Variants in SRD5A2 observed in about 807,000 individuals in gnomAD.
SRD5A2 encodes 3-oxo-5-alpha-steroid 4-dehydrogenase 2.
A neutral mutation model predicts 27.4 loss-of-function variants in SRD5A2; 30 were observed. The observed-to-expected ratio is 1.10, with a 90% CI of 0.82 to 1.49. The LOEUF (loss-of-function observed/expected upper bound fraction) is 1.49, where lower values mean the gene tolerates loss of function less well. Among genes scored for constraint, SRD5A2 ranks in the 40% most tolerant of loss-of-function variants. The pLI is 0.00. For missense variants in SRD5A2, 348 were observed against 323.4 expected, an observed-to-expected ratio of 1.08 and a Z score of -0.58; for synonymous variants, 141 against 133.6, an observed-to-expected ratio of 1.06 and a Z score of -0.38.
At chr2:31,560,580 C>T (rs1666601775) in intron 1 of SRD5A2, among the ~76,000 whole-genome samples, 1 of 152,214 alleles carries the variant, frequency 6.6e-6, no homozygotes, top group Admixed American at 6.5e-5. Flanking sequence ...GAAAAACCTG[C>T]ATCAGCACTC....
chr2:31,592,406 G>T, the SRD5A2 span, among the ~76,000 whole-genome samples: 1 of 152,106 alleles, frequency 6.6e-6, no homozygotes, highest in African/African-American at 2.4e-5. Context: ...GAAAACGAGT[G>T]CACTAAACAA....
the SRD5A2 span, among the ~76,000 whole-genome samples, chr2:31,597,079 C>T: frequency 1.3e-5 from 2 of 152,068 alleles, no homozygotes; most frequent in Non-Finnish European, 2.9e-5. Flanking sequence ...CATCACATTA[C>T]ACAACTTCAA....
chr2:31,586,483 GT>G, the SRD5A2 span, among the ~76,000 whole-genome samples: 678 of 152,342 alleles, frequency 4.5e-3, 3 homozygotes, highest in African/African-American at 0.015. Context: ...GCTGAGCACA[GT>G]CATAGTGGTG....
chr2:31,529,285 C>A, intron 4 of SRD5A2, 22 bp downstream of exon 4: 1 of 1,613,430 alleles, frequency 6.2e-7, no homozygotes, highest in Non-Finnish European at 8.5e-7. Context: ...GTGAATGCTG[C>A]CGCTTTTATT....
At chr2:31,556,355 A>G (rs1666494884) in intron 1 of SRD5A2, among the ~76,000 whole-genome samples, 1 of 152,184 alleles carries the variant, frequency 6.6e-6, no homozygotes, top group Non-Finnish European at 1.5e-5. Flanking sequence ...GTAGACCCCA[A>G]AAAGATATCT....
In SRD5A2 at chr2:31,524,157, G is replaced by A; in HGVS notation, c.*2039C>T. The A allele has an allele frequency of 4.5e-6, 1 of 224,040 alleles. No individual in the cohort carries two copies. The allele number at this position is 224,040 out of a possible 1,614,324, so 13.9% of individuals were successfully genotyped here. On this transcript the variant is annotated 3_prime_UTR_variant, in exon 5 of 5. Transcript: ENST00000622030. ...TTTATTTCATCTCAAGGACCGGCCT[G>A]GATGTTTTACATGGTAGTAAAATAA...
chr2:31,626,804 G>A, the SRD5A2 span, among the ~76,000 whole-genome samples: 1 of 151,938 alleles, frequency 6.6e-6, no homozygotes, highest in Non-Finnish European at 1.5e-5. Flanking sequence ...CAGGGATATT[G>A]GTCTAAAATT....
chr2:31,562,217 CT>C (rs1022838908), intron 1 of SRD5A2, among the ~76,000 whole-genome samples: 4 of 151,548 alleles, frequency 2.6e-5, no homozygotes, highest in Non-Finnish European at 5.9e-5. Context: ...GTTTACAGGT[CT>C]TTTTTTTCCT....
At chr2:31,634,628 G>T in the SRD5A2 span, among the ~76,000 whole-genome samples, 5 of 151,762 alleles carry the variant, frequency 3.3e-5, no homozygotes, top group Non-Finnish European at 7.4e-5. Flanking sequence ...ATTTCTACGG[G>T]TACAGTTTAG....
intron 1 of SRD5A2, among the ~76,000 whole-genome samples, chr2:31,574,870 T>C (rs1379161665): frequency 6.6e-6 from 1 of 152,234 alleles, no homozygotes; most frequent in African/African-American, 2.4e-5. Context: ...CTGCTTGTTT[T>C]TGTAAATAAA....
At chr2:31,610,617 G>C in the SRD5A2 span, among the ~76,000 whole-genome samples, 1 of 151,978 alleles carries the variant, frequency 6.6e-6, no homozygotes, top group African/African-American at 2.4e-5. Flanking sequence ...AATTAACATA[G>C]TACTGGAAGT....
Position 31,580,859 on chromosome 2 carries a change from G to T in SRD5A2, c.42C>A (p.Ser14Arg), listed in dbSNP as rs766177308. ...GTGCCCCAAGGGCGACCAAAGTGGC[G>T]CTGCCTGCCAGCACTGGGCTCTGCT... ...QCQQSPVLAG[S>R]ATLVALGALA... The change falls in exon 1 of 5, where the codon AGC becomes AGA. Residue 14 changes from serine to arginine, a missense_variant. By Grantham distance (110) the Ser-to-Arg change is moderately radical. Coordinates refer to ENST00000622030, the MANE Select transcript of SRD5A2 (RefSeq NM_000348.4). 27 of 1,611,094 alleles carry T rather than the reference G, an allele frequency of 1.7e-5. No homozygotes were observed. The highest frequency in any genetic ancestry group is 2.2e-5 in the Non-Finnish European group (26 of 1,179,192).
intron 1 of SRD5A2, among the ~76,000 whole-genome samples, chr2:31,554,581 T>C (rs1397004000): frequency 6.6e-6 from 1 of 152,212 alleles, no homozygotes; most frequent in East Asian, 1.9e-4. Context: ...TCATTTTGCC[T>C]GAAGTCTCTT....
At chr2:31,558,126 A>G (rs1292772355) in intron 1 of SRD5A2, among the ~76,000 whole-genome samples, 1 of 152,220 alleles carries the variant, frequency 6.6e-6, no homozygotes, top group Non-Finnish European at 1.5e-5. Flanking sequence ...CTATACTTGA[A>G]GAGAATCTGA....
In SRD5A2 at chr2:31,524,891, T is replaced by C. The variant is rs1665738982; in HGVS notation, c.*1305A>G. ...TGCTGGGGTGACCCCTTCACAAGAG[T>C]TTGCAAACTCAAATGCTTACTAGCT... is the stretch of plus-strand genomic sequence containing the variant. On this transcript the variant is annotated 3_prime_UTR_variant, in exon 5 of 5. Coordinates refer to ENST00000622030, the MANE Select transcript of SRD5A2 (RefSeq NM_000348.4). The C allele has an allele frequency of 4.4e-6, 1 of 226,806 alleles. No homozygotes were observed. The highest frequency in any genetic ancestry group is 2.2e-5 in the African/African-American group (1 of 44,904). 14.0% of individuals were successfully genotyped at this position (226,806 alleles called of 1,614,324 possible). A position where few individuals can be genotyped will look rare whatever the true frequency, so the allele number is the denominator to read the frequency against.
rs147385503 is a variant in SRD5A2, at chr2:31,559,357, T to C, written c.281+21263A>G. 9.6e-3 allele frequency among the ~76,000 whole-genome samples: 1,463 copies of C among 152,346 alleles called. 13 individuals carry two copies. Among genetic ancestry groups the C allele is most frequent in the Admixed American group, 0.016 (244 of 15,306 alleles). On this transcript the variant is annotated intron_variant, in intron 1 of 4. Transcript: ENST00000622030. ...AAAGAAAGACTTCCCTGGAAACCAC[T>C]CTTTGACTTATTCAATATCCCTTTT...
the SRD5A2 span, among the ~76,000 whole-genome samples, chr2:31,597,332 C>G: frequency 2.0e-5 from 3 of 151,364 alleles, no homozygotes; most frequent in Non-Finnish European, 4.4e-5. Context: ...GAAGATGGAT[C>G]AAAAACTTAA....
the SRD5A2 span, among the ~76,000 whole-genome samples, chr2:31,610,203 A>G: frequency 3.1e-3 from 468 of 152,282 alleles, 4 homozygotes; most frequent in African/African-American, 0.011. Flanking sequence ...CCAAAGCCAG[A>G]TAAGGATACT....
chr2:31,660,275 A>C, the SRD5A2 span, among the ~76,000 whole-genome samples: 1 of 152,080 alleles, frequency 6.6e-6, no homozygotes, highest in Non-Finnish European at 1.5e-5. Flanking sequence ...AATGATATAG[A>C]GGGGAAAAGA....
Sources: gnomAD v4.1 joint callset for allele counts (sites outside exome capture counted in the v4.1 genomes callset) on GRCh38, gnomAD v4.1.1 for gene constraint, MANE v1.5 for transcripts, NCBI Gene and HGNC (gene_info 2026-07-23, HGNC 2026-07-21) for gene names.